Variants in RNF220 observed in about 807,000 individuals in gnomAD.
The protein encoded by RNF220 is ring finger protein 220.
Under a neutral mutation model 67.1 loss-of-function variants are expected in RNF220, and 7 were observed. The observed-to-expected ratio is 0.10, with a 90% confidence interval of 0.06 to 0.20. The LOEUF (loss-of-function observed/expected upper bound fraction) is 0.20. RNF220 is among the 10% of genes least tolerant of loss of function. RNF220 has a pLI of 1.00. For missense variants in RNF220, 565 were observed against 740.3 expected (o/e 0.76, Z 2.75); for synonymous variants, 270 against 283.2 (o/e 0.95, Z 0.47).
intron 2 of RNF220, among the ~76,000 whole-genome samples, chr1:44,526,105 C>A (rs1364937666): frequency 2.6e-5 from 4 of 152,090 alleles, no homozygotes; most frequent in African/African-American, 9.7e-5. Flanking sequence ...CCTTTCTGTC[C>A]CACCTGTTTG....
intron 2 of RNF220, among the ~76,000 whole-genome samples, chr1:44,530,531 C>CAAAAAAAAA (rs34069585): frequency 2.2e-5 from 3 of 136,454 alleles, no homozygotes; most frequent in African/African-American, 2.7e-5. Context: ...GTCAAATCTG[C>CAAAAAAAAA]AAAAAAAAAA....
Position 44,559,629 on chromosome 1 carries a change from G to C in RNF220, c.626-54536G>C, listed in dbSNP as rs193092583. 3.9e-5 allele frequency among the ~76,000 whole-genome samples: 6 copies of C among 152,278 alleles called. No individual in the cohort carries two copies. In the East Asian group the frequency reaches 1.2e-3, roughly 29 times the overall value. ...CCCGGGAGGAAGGGGAGTGGGGCTG[G>C]GACAGATGAGCAGGCCTGTTAGGAA... On this transcript the variant is annotated intron_variant, in intron 2 of 14. Coordinates refer to ENST00000361799, the MANE Select transcript of RNF220 (RefSeq NM_018150.4).
At chr1:44,548,919 G>T (rs1050814319) in intron 2 of RNF220, among the ~76,000 whole-genome samples, 6 of 152,180 alleles carry the variant, frequency 3.9e-5, no homozygotes, top group African/African-American at 1.4e-4. Flanking sequence ...GCTATGATTG[G>T]CCGGGCGTGG....
rs976127403 is a variant in RNF220, at chr1:44,600,455, T to G, written c.626-13710T>G. On this transcript the variant is annotated intron_variant, in intron 2 of 14. Coordinates refer to ENST00000361799, the MANE Select transcript of RNF220 (RefSeq NM_018150.4). This position sits in a 1 kb window ranked among gnomAD's most constrained non-coding sequence, Gnocchi z 4.0. ...ATTACATAAGTCCCACACAGCCACT[T>G]ACCTCGTAACCATGGGCAAACTAAG... Among the ~76,000 whole-genome samples the G allele has an allele frequency of 8.5e-5, 13 of 152,218 alleles. No homozygotes were observed. Among genetic ancestry groups the G allele is most frequent in the African/African-American group, 3.1e-4 (13 of 41,454 alleles).
chr1:44,558,227 C>G (rs946622748), intron 2 of RNF220, among the ~76,000 whole-genome samples: 4 of 152,178 alleles, frequency 2.6e-5, no homozygotes, highest in Admixed American at 2.6e-4. Context: ...CCCTTTTGCC[C>G]TGAAATCATC....
At chr1:44,629,703 A>G (rs915861268) in intron 5 of RNF220, among the ~76,000 whole-genome samples, 5 of 152,150 alleles carry the variant, frequency 3.3e-5, no homozygotes, top group Admixed American at 2.0e-4. Flanking sequence ...AAAATTAATA[A>G]TAAAGAATAC....
chr1:44,642,827 G>T (rs1413702680), intron 8 of RNF220, among the ~76,000 whole-genome samples: 3 of 152,214 alleles, frequency 2.0e-5, no homozygotes, highest in Non-Finnish European at 4.4e-5. Context: ...GAAGATGTGA[G>T]GCCAGCTGCT....
At chr1:44,520,128 T>TGTGTGTGTGTGAGA (rs796131470) in intron 2 of RNF220, among the ~76,000 whole-genome samples, 11 of 113,372 alleles carry the variant, frequency 9.7e-5, no homozygotes, top group East Asian at 2.6e-4. Flanking sequence ...TGTGTGTGTG[T>TGTGTGTGTGTGAGA]GAGAGAGAGA....
At chr1:44,550,109 G>C (rs1388842912) in intron 2 of RNF220, among the ~76,000 whole-genome samples, 1 of 152,180 alleles carries the variant, frequency 6.6e-6, no homozygotes, top group Non-Finnish European at 1.5e-5. Context: ...TTGCCCAAAG[G>C]GATAGAAAGA....
intron 5 of RNF220, among the ~76,000 whole-genome samples, chr1:44,628,600 C>T (rs751962202): frequency 6.6e-5 from 10 of 152,190 alleles, no homozygotes; most frequent in Admixed American, 3.9e-4. Context: ...ATCATGGCAG[C>T]GAGGCCTTCT....
chr1:44,467,481 G>A lies in RNF220; in HGVS notation c.625+54759G>A, dbSNP rs145067753. ...CCACCTTGGCCTCCCAAAGTGCTGG[G>A]ATTACAGGCGTGAGCCACCGCACCT... On this transcript the variant is annotated intron_variant, in intron 2 of 14. Coordinates refer to ENST00000361799, the MANE Select transcript of RNF220 (RefSeq NM_018150.4). Among the ~76,000 whole-genome samples the A allele has an allele frequency of 4.1e-3, 620 of 152,328 alleles. 11 individuals are homozygous for A. In the South Asian group the frequency reaches 0.042, roughly 10 times the overall value.
chr1:44,452,493 G>A (rs1376054161), intron 2 of RNF220, among the ~76,000 whole-genome samples: 2 of 152,164 alleles, frequency 1.3e-5, no homozygotes, highest in Non-Finnish European at 2.9e-5. Context: ...GGCAGAGGTT[G>A]CAGTCAGCCG....
intron 2 of RNF220, among the ~76,000 whole-genome samples, chr1:44,468,903 C>T (rs188201419): frequency 2.2e-4 from 32 of 145,948 alleles, no homozygotes; most frequent in Admixed American, 1.3e-3. Context: ...GGCAACAGAG[C>T]GAGACTCTGT....
rs1157062259 is a variant in RNF220 at position 44,626,554 on chromosome 1, C to T, written c.906+156C>T. 8 of 621,884 alleles carry T rather than the reference C, an allele frequency of 1.3e-5. No homozygotes were observed. The Admixed American group carries it at 1.9e-4, about 15-fold the overall frequency. 38.5% of individuals were successfully genotyped at this position (621,884 alleles called of 1,614,324 possible). A position where few individuals can be genotyped will look rare whatever the true frequency, so the allele number is the denominator to read the frequency against. On this transcript the variant is annotated intron_variant, in intron 5 of 14. Transcript: ENST00000361799. ...TGTGTCCCGTGCCCCTAAGTGAACT[C>T]AGGAGGCATACGTGTCAGGGAATAG...
chr1:44,574,938 A>T (rs1218459044), intron 2 of RNF220, among the ~76,000 whole-genome samples: 1 of 152,086 alleles, frequency 6.6e-6, no homozygotes, highest in Admixed American at 6.5e-5. Flanking sequence ...TGTTACATGC[A>T]TAGAATGTGC....
At chr1:44,611,836 T>A (rs1643325548) in intron 2 of RNF220, among the ~76,000 whole-genome samples, 1 of 152,214 alleles carries the variant, frequency 6.6e-6, no homozygotes. Flanking sequence ...TTGTTAAATG[T>A]TTGCTGAGTG....
chr1:44,508,030 A>G (rs1028148229), intron 2 of RNF220, among the ~76,000 whole-genome samples: 2 of 152,130 alleles, frequency 1.3e-5, no homozygotes, highest in Non-Finnish European at 2.9e-5. Context: ...ACTGGAGCTG[A>G]AAAATTAAAC....
intron 2 of RNF220, among the ~76,000 whole-genome samples, chr1:44,594,918 C>T (rs1053075479): frequency 2.6e-5 from 4 of 152,176 alleles, no homozygotes; most frequent in East Asian, 1.9e-4. Flanking sequence ...GGGCTCTACC[C>T]TTGGCCTCTG....
chr1:44,478,519 C>T (rs1044868772), intron 2 of RNF220, among the ~76,000 whole-genome samples: 2 of 151,948 alleles, frequency 1.3e-5, no homozygotes, highest in Admixed American at 1.3e-4. Context: ...GCTAGGAGCT[C>T]GAGACCAGCC....
Sources: gnomAD v4.1 joint callset for allele counts (sites outside exome capture counted in the v4.1 genomes callset) on GRCh38, gnomAD v4.1.1 for gene constraint, Gnocchi (gnomAD v3.1) non-coding constraint, MANE v1.5 for transcripts, NCBI Gene and HGNC (gene_info 2026-07-23, HGNC 2026-07-21) for gene names.